DNM2: variants seen among roughly 807,000 people sequenced by gnomAD.
DNM2 encodes dynamin 2, also known as dynamin-2.
In DNM2, 15 loss-of-function variants were observed where a neutral mutation model predicts 99.0. That is an observed-to-expected ratio of 0.15 (90% CI 0.10 to 0.23). The LOEUF (loss-of-function observed/expected upper bound fraction) is 0.23, where lower values mean the gene tolerates loss of function less well. Among genes scored for constraint, DNM2 ranks in the 10% least tolerant of loss-of-function variants. The pLI, the probability that DNM2 is intolerant of heterozygous loss-of-function variation, is 1.00. For missense variants in DNM2, 742 were observed against 1,189.4 expected (o/e 0.62, Z 5.53); for synonymous variants, 525 against 481.2 (o/e 1.09, Z -1.19).
intron 18 of DNM2, among the ~76,000 whole-genome samples, chr19:10,826,006 G>T (rs1163428800): frequency 3.3e-5 from 5 of 152,082 alleles, no homozygotes; most frequent in Admixed American, 1.3e-4. Flanking sequence ...CTGCACTCCA[G>T]CCTGGGCGAC....
intron 16 of DNM2, among the ~76,000 whole-genome samples, chr19:10,821,646 C>T (rs977360726): frequency 6.6e-6 from 1 of 152,186 alleles, no homozygotes; most frequent in African/African-American, 2.4e-5. Context: ...ATTCTCCTGC[C>T]TCAGCCTCCC....
Position 10,741,423 on chromosome 19 carries a change from CT to C in DNM2, c.162-18313del, listed in dbSNP as rs148545549. Among the ~76,000 whole-genome samples the C allele has an allele frequency of 6.4e-3, 977 of 151,986 alleles. 19 individuals are homozygous for C. Among genetic ancestry groups the C allele is most frequent in the African/African-American group, 0.022 (929 of 41,436 alleles). On this transcript the variant is annotated intron_variant, in intron 1 of 20. Coordinates refer to ENST00000389253, the MANE Select transcript of DNM2 (RefSeq NM_001005361.3). ...TTTGTATTTTTTCTAGAGGTAGGGT[CT>C]TGCTATATTGACCAGGCTGGCCTTG...
intron 2 of DNM2, chr19:10,763,013 G>C (rs911908016): frequency 1.3e-5 from 2 of 152,836 alleles, no homozygotes; most frequent in Non-Finnish European, 2.9e-5. Context: ...CTGCCTCCCA[G>C]CTTGCACCCC....
intron 10 of DNM2, 184 bp from the exon 11 acceptor site, chr19:10,798,302 G>A (rs1488609847): frequency 8.0e-6 from 5 of 625,472 alleles, no homozygotes; most frequent in African/African-American, 7.3e-5. Flanking sequence ...GGTCCACGGT[G>A]CCCCCACTCT....
At chr19:10,826,994 T>C (rs1419655077) in intron 18 of DNM2, among the ~76,000 whole-genome samples, 1 of 152,004 alleles carries the variant, frequency 6.6e-6, no homozygotes, top group African/African-American at 2.4e-5. Flanking sequence ...CTCACATCTG[T>C]ACTCCCAGCA....
At chr19:10,771,939 G>A (rs1005096269) in intron 2 of DNM2, among the ~76,000 whole-genome samples, 6 of 152,094 alleles carry the variant, frequency 3.9e-5, no homozygotes, top group African/African-American at 1.4e-4. Context: ...GATCTGGAAA[G>A]AGGCTCAGTC....
intron 1 of DNM2, among the ~76,000 whole-genome samples, chr19:10,731,640 C>T (rs1000339124): frequency 2.0e-5 from 3 of 152,268 alleles, no homozygotes; most frequent in Admixed American, 6.5e-5. Context: ...AGGCGTGAGC[C>T]GCCGTGCCCG....
chr19:10,734,793 A>G (rs1345671988), intron 1 of DNM2, among the ~76,000 whole-genome samples: 1 of 150,608 alleles, frequency 6.6e-6, no homozygotes, highest in African/African-American at 2.4e-5. Flanking sequence ...TTATTTTTCA[A>G]ACAAAATCAC....
chr19:10,789,944 G>A lies in DNM2; in HGVS notation c.992+3238G>A, dbSNP rs568507485. On this transcript the variant is annotated intron_variant, in intron 7 of 20. Transcript: ENST00000389253. ...TCACAAACAGTCCCTGTCCCCCGGG[G>A]CTTAGCACGTTACGTCATTTGTAAC... 7.9e-5 allele frequency among the ~76,000 whole-genome samples: 12 copies of A among 152,380 alleles called. No individual in the cohort carries two copies. The East Asian group carries it at 2.3e-3, about 29-fold the overall frequency.
chr19:10,722,909 G>A (rs997262046), intron 1 of DNM2, among the ~76,000 whole-genome samples: 1 of 151,790 alleles, frequency 6.6e-6, no homozygotes, highest in Non-Finnish European at 1.5e-5. Context: ...TTACAGGTGT[G>A]AGCCACTGCG....
chr19:10,722,379 A>G (rs1259180946), intron 1 of DNM2, among the ~76,000 whole-genome samples: 1 of 152,148 alleles, frequency 6.6e-6, no homozygotes, highest in African/African-American at 2.4e-5. Context: ...CTAAGGAGAA[A>G]GGAGGGCATC....
intron 11 of DNM2, 66 bp from the exon 12 acceptor site, chr19:10,802,222 C>T (rs1188066807): frequency 4.5e-6 from 7 of 1,557,222 alleles, no homozygotes; most frequent in Middle Eastern, 1.7e-4. Context: ...CCAGGAAATG[C>T]TCTTGCCGCT....
intron 7 of DNM2, among the ~76,000 whole-genome samples, chr19:10,792,115 T>C (rs2071773901): frequency 6.6e-6 from 1 of 151,858 alleles, no homozygotes. Flanking sequence ...AAAAACAAAT[T>C]CCCCATTCCA....
At chr19:10,767,169 G>C (rs2070825678) in intron 2 of DNM2, among the ~76,000 whole-genome samples, 1 of 151,806 alleles carries the variant, frequency 6.6e-6, no homozygotes, top group Non-Finnish European at 1.5e-5. Context: ...AAGTTGACAG[G>C]GAACTCAGTG....
chr19:10,719,955 G>T (rs956576749), intron 1 of DNM2, among the ~76,000 whole-genome samples: 4 of 152,132 alleles, frequency 2.6e-5, no homozygotes, highest in African/African-American at 9.7e-5. Flanking sequence ...CTTGTCTCTA[G>T]CTCATTGCCT....
rs142692636 is a variant in DNM2, at chr19:10,795,333, G to A, written c.1129-39G>A. 137 of 1,612,584 alleles carry A rather than the reference G, an allele frequency of 8.5e-5. No individual in the cohort carries two copies. Among genetic ancestry groups the A allele is most frequent in the African/African-American group, 4.5e-4 (34 of 75,012 alleles). ...TGCACGCCTGCCACGGGGGCGCCCC[G>A]GGTGCCTCCATGCATGTGCTTGGTT... On this transcript the variant is annotated intron_variant, in intron 8 of 20. Transcript: ENST00000389253. This position sits in a 1 kb window ranked among gnomAD's most constrained non-coding sequence, Gnocchi z 4.2.
chr19:10,785,370 G>A (rs2071525829), intron 6 of DNM2, among the ~76,000 whole-genome samples: 1 of 150,336 alleles, frequency 6.7e-6, no homozygotes, highest in Admixed American at 6.7e-5. Flanking sequence ...CTCATGATCT[G>A]CCTGCCTTGG....
chr19:10,825,332 C>A, intron 18 of DNM2, 111 bp downstream of exon 18: 1 of 1,468,034 alleles, frequency 6.8e-7, no homozygotes, highest in Non-Finnish European at 9.4e-7. Context: ...GTCAGGAGTT[C>A]AAGACCAGCC....
intron 2 of DNM2, among the ~76,000 whole-genome samples, chr19:10,770,942 G>A (rs760442361): frequency 2.6e-5 from 4 of 152,120 alleles, no homozygotes; most frequent in Admixed American, 1.3e-4. Flanking sequence ...ACAGGTGTGC[G>A]CCAACATGCC....
Sources: gnomAD v4.1 joint callset for allele counts (sites outside exome capture counted in the v4.1 genomes callset) on GRCh38, gnomAD v4.1.1 for gene constraint, Gnocchi (gnomAD v3.1) non-coding constraint, MANE v1.5 for transcripts, NCBI Gene and HGNC (gene_info 2026-07-23, HGNC 2026-07-21) for gene names.